The following GRN variants were observed in gnomAD, a reference collection of about 807,000 sequenced individuals.
The protein encoded by GRN is granulin precursor, also known as progranulin.
GRN carries 30 observed loss-of-function variants against 66.7 expected under a neutral mutation model. That is an observed-to-expected ratio of 0.45 (90% CI 0.34 to 0.61). The LOEUF (loss-of-function observed/expected upper bound fraction) is 0.61. GRN is among the 20% of genes least tolerant of loss of function. GRN has a pLI of 0.01. For missense variants in GRN, 731 were observed against 803.5 expected (o/e 0.91, Z 1.09); for synonymous variants, 327 against 311.1 (o/e 1.05, Z -0.54).
Position 44,350,930 on chromosome 17 carries a change from T to A in GRN, c.709-107T>A, listed in dbSNP as rs564968591. Reference sequence around the variant, plus strand: ...GGGAGCCTGGCTGATGCAGGGTTCATGCTACCCCCTAGTGGGGGATTGGGG... The same window carrying A: ...GGGAGCCTGGCTGATGCAGGGTTCAAGCTACCCCCTAGTGGGGGATTGGGG... On this transcript the variant is annotated intron_variant, in intron 7 of 12. Coordinates refer to ENST00000053867, the MANE Select transcript of GRN (RefSeq NM_002087.4). 2.8e-5 allele frequency: 40 copies of A among 1,418,876 alleles called. No individual in the cohort carries two copies. In the East Asian group the frequency reaches 9.1e-4, roughly 32 times the overall value. The allele number at this position is 1,418,876 out of a possible 1,614,324, so 87.9% of individuals were successfully genotyped here. A position where few individuals can be genotyped will look rare whatever the true frequency, so the allele number is the denominator to read the frequency against.
rs2048369289 is a variant in GRN at position 44,351,085 on chromosome 17, TGTGACCTGATCCAGAGTAA to T, written c.761_779del (p.Asp254AlafsTer23). ...GCACTGCTGCCCCCAAGACACTGTG[TGTGACCTGATCCAGAGTAA>T]GTGCCTCTCCAAGGAGAACGCTACC... On this transcript the variant is annotated frameshift_variant, in exon 8 of 13. Coordinates refer to ENST00000053867, the MANE Select transcript of GRN (RefSeq NM_002087.4). LOFTEE classifies it high-confidence loss of function. 6.2e-7 allele frequency: 1 copy of T among 1,613,962 alleles called. No individual in the cohort carries two copies. Among genetic ancestry groups the T allele is most frequent in the African/African-American group, 1.3e-5 (1 of 74,920 alleles).
rs1300536059 is a variant in GRN, at chr17:44,349,229, A to G, written c.65A>G (p.Asp22Gly). 1.2e-6 allele frequency: 2 copies of G among 1,613,928 alleles called. No individual in the cohort carries two copies. The highest frequency in any genetic ancestry group is 2.7e-5 in the African/African-American group (2 of 74,928). The change falls in exon 2 of 13, where the codon GAT (aspartate) becomes GGT (glycine). Residue 22 changes from aspartate (D) to glycine (G), a missense_variant. Asp to Gly is a moderately conservative substitution (Grantham distance 94). Coordinates refer to ENST00000053867, the MANE Select transcript of GRN (RefSeq NM_002087.4). ...AGLVAGTRCP[D>G]GQFCPVACCL... ...CTGGTGGCTGGAACGCGGTGCCCAG[A>G]TGGTCAGTTCTGCCCTGTGGCCTGC...
Position 44,351,391 on chromosome 17 carries a change from G to C in GRN, c.864G>C (p.Val288=). ...TVGDVKCDME[V]SCPDGYTCCR... is the part of the protein sequence containing the mutation. Reference sequence around the variant, plus strand: ...GGGATGTGAAATGTGACATGGAGGTGAGCTGCCCAGATGGCTATACCTGCT... The same window carrying C: ...GGGATGTGAAATGTGACATGGAGGTCAGCTGCCCAGATGGCTATACCTGCT... The change falls in exon 9 of 13, where the codon GTG becomes GTC. Residue 288 remains valine, a synonymous_variant. Transcript: ENST00000053867. The C allele has an allele frequency of 6.2e-7, 1 of 1,613,808 alleles. No homozygotes were observed. Among genetic ancestry groups the C allele is most frequent in the South Asian group, 1.1e-5 (1 of 91,072 alleles).
rs145655086 is a variant in GRN at position 44,351,597 on chromosome 17, G to C, written c.981G>C (p.Thr327=). ...TACACTGCTGTCCCGCGGGGTTTAC[G>C]TGTGACACGCAGAAGGGTACCTGTG... is the stretch of plus-strand genomic sequence containing the variant. ...DHIHCCPAGF[T]CDTQKGTCEQ... The change falls in exon 10 of 13, where the codon ACG becomes ACC. Residue 327 remains threonine, a synonymous_variant. Transcript: ENST00000053867. The C allele has an allele frequency of 3.7e-6, 6 of 1,614,026 alleles. No homozygotes were observed. The Admixed American group carries it at 6.7e-5, about 18-fold the overall frequency.
At chr17:44,348,713 A>G (rs1366442326) in intron 1 of GRN, among the ~76,000 whole-genome samples, 1 of 152,096 alleles carries the variant, frequency 6.6e-6, no homozygotes, top group African/African-American at 2.4e-5. Flanking sequence ...CTGGAGGGGA[A>G]CCCTGGCTTT....
At chr17:44,349,973 G>A in intron 4 of GRN, 4 of 639,524 alleles carry the variant, frequency 6.3e-6, no homozygotes, top group African/African-American at 3.6e-5. Flanking sequence ...TGTGGGGGTG[G>A]GGAGAGGTCG....
In GRN at chr17:44,352,663, C is replaced by T. The variant is rs745391227; in HGVS notation, c.1647C>T (p.Gly549=). The part of the protein sequence containing the change: ...QGWACCPYRQ[G]VCCADRRHCC... ...CTCGCCCCCCTCTGACCATCCAGGG[C>T]GTCTGTTGTGCTGATCGGCGCCACT... Residue 549 remains glycine, a splice_region_variant and synonymous_variant, in exon 13 of 13, where the codon GGC becomes GGT. Coordinates refer to ENST00000053867, the MANE Select transcript of GRN (RefSeq NM_002087.4). 80 of 1,609,804 alleles carry T rather than the reference C, an allele frequency of 5.0e-5. No homozygotes were observed. Among genetic ancestry groups the T allele is most frequent in the Admixed American group, 1.8e-4 (11 of 60,010 alleles).
At position 44,352,000 on chromosome 17, in the gene GRN, C is replaced by A; in HGVS notation, c.1180-15C>A. The A allele has an allele frequency of 1.9e-6, 3 of 1,605,350 alleles. No homozygotes were observed. Among genetic ancestry groups the A allele is most frequent in the Non-Finnish European group, 2.6e-6 (3 of 1,173,620 alleles). On this transcript the variant is annotated splice_polypyrimidine_tract_variant and intron_variant, in intron 10 of 12. Coordinates refer to ENST00000053867, the MANE Select transcript of GRN (RefSeq NM_002087.4). ...TAGTGGCTACCTACAACGCCCTTTC[C>A]TGCCCACCCCCCAGGCTGTCTGCTG...
In GRN at chr17:44,351,048, C is replaced by T; in HGVS notation, c.720C>T (p.Cys240=). The change falls in exon 8 of 13, where the codon TGC becomes TGT. Residue 240 remains cysteine (C), a synonymous_variant. Transcript: ENST00000053867. ...GCCPMPNATC[C]SDHLHCCPQD... ...CTGTCCCCACTCAGGCCACCTGCTG[C>T]TCCGATCACCTGCACTGCTGCCCCC... 3 of 1,613,890 alleles carry T rather than the reference C, an allele frequency of 1.9e-6. No individual in the cohort carries two copies. The highest frequency in any genetic ancestry group is 1.7e-5 in the Admixed American group (1 of 60,028).
chr17:44,349,774 G>T (rs1244701869), intron 4 of GRN, 23 bp downstream of exon 4: 25 of 1,519,924 alleles, frequency 1.6e-5, no homozygotes, highest in African/African-American at 2.7e-5. Flanking sequence ...TGTGGGTGCA[G>T]GGCAGGCAGA....
rs758988941 is a variant in GRN at position 44,350,191 on chromosome 17, A to G, written c.350-37A>G. ...TGTGATGGGGGAGTCACCTTCCCTG[A>G]GTGGGCTGGTAGTATCCTGGGTCAT... On this transcript the variant is annotated intron_variant, in intron 4 of 12. Transcript: ENST00000053867. 2.8e-6 allele frequency: 4 copies of G among 1,414,280 alleles called. No homozygotes were observed. The African/African-American group carries it at 5.6e-5, about 20-fold the overall frequency. The allele number at this position is 1,414,280 out of a possible 1,614,324, so 87.6% of individuals were successfully genotyped here. A position where few individuals can be genotyped will look rare whatever the true frequency, so the allele number is the denominator to read the frequency against.
intron 4 of GRN, chr17:44,349,977 G>C: frequency 1.6e-6 from 1 of 639,268 alleles, no homozygotes; most frequent in Non-Finnish European, 2.8e-6. Context: ...GGGGTGGGGA[G>C]AGGTCGAGCT....
intron 1 of GRN, 22 bp from the exon 2 acceptor site, chr17:44,349,136 G>A: frequency 6.2e-7 from 1 of 1,613,698 alleles, no homozygotes; most frequent in Non-Finnish European, 8.5e-7. Context: ...GCAGTTGCCA[G>A]ACGTTCCTTG....
At chr17:44,348,778 A>C (rs774169806) in intron 1 of GRN, among the ~76,000 whole-genome samples, 3 of 152,120 alleles carry the variant, frequency 2.0e-5, no homozygotes, top group Admixed American at 1.3e-4. Context: ...ATGGCTACTG[A>C]TGCCTTCCCC....
In GRN at chr17:44,349,445, T is replaced by C. The variant is rs63750481; in HGVS notation, c.158T>C (p.Leu53Pro). 6.2e-7 allele frequency: 1 copy of C among 1,614,210 alleles called. No homozygotes were observed. Among genetic ancestry groups the C allele is most frequent in the Non-Finnish European group, 8.5e-7 (1 of 1,180,032 alleles). The change falls in exon 3 of 13, where the codon CTG becomes CCG. Residue 53 changes from leucine to proline, a missense_variant. Transcript: ENST00000053867. ...RPLLDKWPTT[L>P]SRHLGGPCQV... ...TTCTAGGACAAATGGCCCACAACACTGAGCAGGCATCTGGGTGGCCCCTGC... is the reference window on the plus strand; with the variant it reads ...TTCTAGGACAAATGGCCCACAACACCGAGCAGGCATCTGGGTGGCCCCTGC...
Position 44,352,189 on chromosome 17 carries a change from G to T in GRN, c.1354G>T (p.Val452Leu). Residue 452 changes from valine to leucine, a missense_variant, in exon 11 of 13, where the codon GTG becomes TTG. Physicochemically the swap from Val to Leu is conservative, Grantham distance 32 (BLOSUM62 1). Coordinates refer to ENST00000053867, the MANE Select transcript of GRN (RefSeq NM_002087.4). ...IGCDQHTSCPVGQTCCPSLGG... is the reference protein window; with the variant it reads ...IGCDQHTSCPLGQTCCPSLGG... Reference sequence around the variant, plus strand: ...CTGTGACCAGCACACCAGCTGCCCGGTGGGGCAGACCTGCTGCCCGAGCCT... The same window carrying T: ...CTGTGACCAGCACACCAGCTGCCCGTTGGGGCAGACCTGCTGCCCGAGCCT... 1.2e-6 allele frequency: 2 copies of T among 1,613,458 alleles called. No homozygotes were observed. Among genetic ancestry groups the T allele is most frequent in the South Asian group, 2.2e-5 (2 of 91,078 alleles).
Position 44,349,220 on chromosome 17 carries a change from G to T in GRN, c.56G>T (p.Arg19Leu). 6.2e-7 allele frequency: 1 copy of T among 1,614,030 alleles called. No individual in the cohort carries two copies. Among genetic ancestry groups the T allele is most frequent in the Non-Finnish European group, 8.5e-7 (1 of 1,179,960 alleles). The change falls in exon 2 of 13, where the codon CGG becomes CTG. Residue 19 changes from arginine (R) to leucine (L), a missense_variant. This residue lies in a region of GRN where 370 missense variants were observed against 379.8 expected (regional missense o/e 0.97). Coordinates refer to ENST00000053867, the MANE Select transcript of GRN (RefSeq NM_002087.4). ...ACAGCAGGGCTGGTGGCTGGAACGC[G>T]GTGCCCAGATGGTCAGTTCTGCCCT... is the stretch of plus-strand genomic sequence containing the variant. Reference protein sequence around the residue: ...ALTAGLVAGTRCPDGQFCPVA... With the variant: ...ALTAGLVAGTLCPDGQFCPVA...
intron 4 of GRN, chr17:44,350,024 C>T: frequency 3.0e-6 from 2 of 663,882 alleles, no homozygotes; most frequent in South Asian, 3.4e-5. Flanking sequence ...CAGTGGGTGC[C>T]CCTTCCCCAT....
intron 1 of GRN, 85 bp from the exon 2 acceptor site, chr17:44,349,073 G>C: frequency 6.8e-7 from 1 of 1,464,070 alleles, no homozygotes; most frequent in East Asian, 2.3e-5. Context: ...CAGGACCTTG[G>C]CCTGGGGCTA....
Sources: allele counts gnomAD v4.1 joint callset (sites outside exome capture counted in the v4.1 genomes callset), GRCh38; gene constraint gnomAD v4.1.1; regional missense constraint gnomAD v4.1.1; transcripts MANE v1.5; gene names NCBI Gene and HGNC (gene_info 2026-07-23, HGNC 2026-07-21).